STXBP6: variants seen among roughly 807,000 people sequenced by gnomAD.
STXBP6 encodes syntaxin binding protein 6.
STXBP6 carries 21 observed loss-of-function variants against 26.9 expected under a neutral mutation model. The ratio of observed to expected loss-of-function variants is 0.78; its 90% CI spans 0.55 to 1.12. STXBP6 has a LOEUF of 1.12. Among genes scored for constraint, STXBP6 ranks in the 50% most tolerant of loss-of-function variants. The pLI is 0.00. For missense variants in STXBP6, 232 were observed against 257.9 expected, an observed-to-expected ratio of 0.90 and a Z score of 0.69; for synonymous variants, 97 against 92.6, an observed-to-expected ratio of 1.05 and a Z score of -0.27.
At chr14:24,883,853 A>G (rs2070469420) in intron 2 of STXBP6, among the ~76,000 whole-genome samples, 1 of 152,180 alleles carries the variant, frequency 6.6e-6, no homozygotes, top group African/African-American at 2.4e-5. Flanking sequence ...CCAAAAAAGA[A>G]TGGTTTTTAA....
intron 5 of STXBP6, among the ~76,000 whole-genome samples, chr14:24,813,992 T>C (rs1419452529): frequency 1.3e-5 from 2 of 152,178 alleles, no homozygotes; most frequent in African/African-American, 4.8e-5. Context: ...TAATCTCTGC[T>C]TGGGAAACCT....
chr14:24,990,223 T>C lies in STXBP6; in HGVS notation c.-32-15373A>G, dbSNP rs776282193. 3.3e-5 allele frequency among the ~76,000 whole-genome samples: 5 copies of C among 152,290 alleles called. No homozygotes were observed. In the South Asian group the frequency reaches 1.0e-3, roughly 32 times the overall value. Reference sequence around the variant, plus strand: ...GAATGTCTTGCTTCTCATCACTTTGTGCTTCTGAAGGAAGCTTCCAACTTC... The same window carrying C: ...GAATGTCTTGCTTCTCATCACTTTGCGCTTCTGAAGGAAGCTTCCAACTTC... On this transcript the variant is annotated intron_variant, in intron 1 of 5. Transcript: ENST00000323944.
At chr14:24,950,044 C>G (rs1340112676) in intron 2 of STXBP6, among the ~76,000 whole-genome samples, 1 of 152,210 alleles carries the variant, frequency 6.6e-6, no homozygotes, top group African/African-American at 2.4e-5. Context: ...GCCAACTGAT[C>G]TTTGCTCAAT....
rs891521535 is a variant in STXBP6, at chr14:24,913,846, G to A, written c.155-56689C>T. Among the ~76,000 whole-genome samples the A allele has an allele frequency of 3.9e-5, 6 of 152,148 alleles. No homozygotes were observed. In the East Asian group the frequency reaches 1.2e-3, roughly 29 times the overall value. On this transcript the variant is annotated intron_variant, in intron 2 of 5. Transcript: ENST00000323944. ...TGGAATAAAGTGGTCCCCAGAACAG[G>A]GGGAAATATTGTCTCTTCTCAAGGA...
At chr14:24,831,721 C>G (rs2068458555) in intron 4 of STXBP6, among the ~76,000 whole-genome samples, 2 of 152,118 alleles carry the variant, frequency 1.3e-5, no homozygotes, top group Non-Finnish European at 2.9e-5. Context: ...CAAATTGGTT[C>G]TTAGAGAAGT....
intron 1 of STXBP6, among the ~76,000 whole-genome samples, chr14:25,005,374 A>G (rs1397305493): frequency 6.6e-6 from 1 of 152,188 alleles, no homozygotes; most frequent in East Asian, 1.9e-4. Flanking sequence ...GCACATCACT[A>G]TGGTTGGTCA....
At chr14:24,818,258 T>C (rs2068038127) in intron 5 of STXBP6, 1 of 407,220 alleles carries the variant, frequency 2.5e-6, no homozygotes, top group Non-Finnish European at 4.9e-6. Context: ...TAATAAATCC[T>C]CTTTATCACC....
chr14:24,970,331 T>C (rs905203559), intron 2 of STXBP6, among the ~76,000 whole-genome samples: 1 of 152,068 alleles, frequency 6.6e-6, no homozygotes, highest in Non-Finnish European at 1.5e-5. Context: ...CTGTCAAAAA[T>C]GTATACACCT....
intron 4 of STXBP6, among the ~76,000 whole-genome samples, chr14:24,826,761 T>G (rs984427689): frequency 6.6e-6 from 1 of 152,212 alleles, no homozygotes; most frequent in Admixed American, 6.5e-5. Flanking sequence ...GATTCTTCCT[T>G]CATTCCCTTC....
intron 2 of STXBP6, among the ~76,000 whole-genome samples, chr14:24,959,505 A>G (rs2073456812): frequency 6.6e-6 from 1 of 152,212 alleles, no homozygotes; most frequent in South Asian, 2.1e-4. Context: ...AACAAAAGTG[A>G]TATTTTTAAC....
intron 2 of STXBP6, among the ~76,000 whole-genome samples, chr14:24,870,481 A>G (rs1388106540): frequency 6.6e-6 from 1 of 152,158 alleles, no homozygotes; most frequent in African/African-American, 2.4e-5. Flanking sequence ...GAGTGGGAAG[A>G]TATCTCAAGA....
At chr14:24,945,555 G>A (rs926242642) in intron 2 of STXBP6, among the ~76,000 whole-genome samples, 10 of 151,888 alleles carry the variant, frequency 6.6e-5, no homozygotes, top group Non-Finnish European at 1.0e-4. Context: ...GGGTGACAGA[G>A]GGAGACCCTG....
Position 24,809,774 on chromosome 14 carries a change from C to T in STXBP6, c.*2935G>A, listed in dbSNP as rs1299155121. On this transcript the variant is annotated 3_prime_UTR_variant, in exon 6 of 6. Coordinates refer to ENST00000323944, the MANE Select transcript of STXBP6 (RefSeq NM_001394410.1). ...AAATTATATTTGACATCTCAGAGAA[C>T]TTCTGAAGAATAACTGTATGACAGA... The T allele has an allele frequency of 1.3e-5, 2 of 152,144 alleles. No homozygotes were observed. Among genetic ancestry groups the T allele is most frequent in the African/African-American group, 4.8e-5 (2 of 41,422 alleles). 9.4% of individuals were successfully genotyped at this position (152,144 alleles called of 1,614,324 possible). A position where few individuals can be genotyped will look rare whatever the true frequency, so the allele number is the denominator to read the frequency against.
chr14:24,869,384 T>G (rs1299182383), intron 2 of STXBP6, among the ~76,000 whole-genome samples: 2 of 152,342 alleles, frequency 1.3e-5, no homozygotes, highest in Middle Eastern at 3.4e-3. Context: ...TGAAACCCAT[T>G]GTTATACACA....
intron 4 of STXBP6, among the ~76,000 whole-genome samples, chr14:24,827,164 G>A (rs1470966536): frequency 2.6e-5 from 4 of 152,114 alleles, no homozygotes; most frequent in African/African-American, 7.2e-5. Context: ...TGGAGCCACC[G>A]CACTCCAGTC....
At chr14:24,862,372 G>A (rs1312398173) in intron 2 of STXBP6, among the ~76,000 whole-genome samples, 3 of 152,074 alleles carry the variant, frequency 2.0e-5, no homozygotes, top group African/African-American at 7.2e-5. Context: ...AACAAAAACG[G>A]TGGTACTTCA....
chr14:24,902,210 C>T (rs1243828184), intron 2 of STXBP6, among the ~76,000 whole-genome samples: 1 of 152,062 alleles, frequency 6.6e-6, no homozygotes, highest in Non-Finnish European at 1.5e-5. Flanking sequence ...ATGGTCTCTT[C>T]CAGGCAAAAA....
rs571902774 is a variant in STXBP6 at position 24,855,632 on chromosome 14, A to G, written c.451+304T>C. On this transcript the variant is annotated intron_variant, in intron 4 of 5. Coordinates refer to ENST00000323944, the MANE Select transcript of STXBP6 (RefSeq NM_001394410.1). ...AAAAGGTAGTAAAGAAACCAAAATA[A>G]AAGGTTTTTCTAATAAGGGAGCAGT... is the stretch of plus-strand genomic sequence containing the variant. Among the ~76,000 whole-genome samples, 55 of 152,250 alleles carry G rather than the reference A, an allele frequency of 3.6e-4. 1 individual carries two copies. Among genetic ancestry groups the G allele is most frequent in the African/African-American group, 1.3e-3 (52 of 41,572 alleles).
intron 2 of STXBP6, among the ~76,000 whole-genome samples, chr14:24,944,204 G>A (rs891880975): frequency 2.6e-5 from 4 of 152,120 alleles, no homozygotes; most frequent in Admixed American, 1.3e-4. Context: ...AGTAAAGCTC[G>A]GAGGAACCTA....
Sources: allele counts gnomAD v4.1 joint callset (sites outside exome capture counted in the v4.1 genomes callset), GRCh38; gene constraint gnomAD v4.1.1; transcripts MANE v1.5; gene names NCBI Gene and HGNC (gene_info 2026-07-23, HGNC 2026-07-21).